SRP19: variants seen among roughly 807,000 people sequenced by gnomAD.
The protein encoded by SRP19 is signal recognition particle 19 kDa protein.
In SRP19, 11 loss-of-function variants were observed where a neutral mutation model predicts 22.4. The ratio of observed to expected loss-of-function variants is 0.49; its 90% CI spans 0.31 to 0.81. SRP19 has a LOEUF of 0.81. SRP19 is among the 40% of genes least tolerant of loss of function. The pLI, the probability that SRP19 is intolerant of heterozygous loss-of-function variation, is 0.05. For synonymous variants in SRP19, 61 were observed against 57.6 expected, an observed-to-expected ratio of 1.06 and a Z score of -0.27; for missense variants, 168 against 175.9, an observed-to-expected ratio of 0.96 and a Z score of 0.25.
Position 112,861,328 on chromosome 5 carries a change from C to T in SRP19, c.-49C>T, listed in dbSNP as rs764571468. The T allele has an allele frequency of 1.9e-6, 3 of 1,612,070 alleles. No homozygotes were observed. The highest frequency in any genetic ancestry group is 1.7e-5 in the Admixed American group (1 of 60,028). On this transcript the variant is annotated 5_prime_UTR_variant, in exon 1 of 5. Coordinates refer to ENST00000505459, the MANE Select transcript of SRP19 (RefSeq NM_003135.3). ...TCAGAGCCGGGTTCCTCCCGGGTTT[C>T]TGCCGGGTTTCTCCCTGCGGCTCCT...
intron 4 of SRP19, chr5:112,877,856 C>G (rs962786072): frequency 3.3e-5 from 5 of 152,120 alleles, no homozygotes; most frequent in Non-Finnish European, 5.9e-5. Context: ...CATGTTTCTC[C>G]GCTTTGAAGA....
chr5:112,871,630 C>T (rs535158728), downstream of SRP19, among the ~76,000 whole-genome samples: 6 of 151,852 alleles, frequency 4.0e-5, no homozygotes, highest in South Asian at 6.2e-4. Flanking sequence ...TGGTGGTGGG[C>T]GCCTGTAATC....
downstream of SRP19, among the ~76,000 whole-genome samples, chr5:112,870,610 G>A: frequency 6.6e-6 from 1 of 152,150 alleles, no homozygotes; most frequent in Non-Finnish European, 1.5e-5. Flanking sequence ...CAAAATGCAT[G>A]TTGAAATTTA....
intron 4 of SRP19, chr5:112,865,227 G>A (rs921019971): frequency 6.6e-5 from 10 of 152,260 alleles, no homozygotes; most frequent in African/African-American, 2.4e-4. Flanking sequence ...ATGTAATGTT[G>A]CTTATTGGCA....
intron 4 of SRP19, among the ~76,000 whole-genome samples, chr5:112,888,424 T>C (rs1231495804): frequency 6.6e-6 from 1 of 152,200 alleles, no homozygotes; most frequent in Admixed American, 6.5e-5. Flanking sequence ...TTCTCAACAA[T>C]ATCTCCAGAT....
At chr5:112,884,437 G>C (rs899408402) in intron 4 of SRP19, among the ~76,000 whole-genome samples, 1 of 150,876 alleles carries the variant, frequency 6.6e-6, no homozygotes, top group African/African-American at 2.4e-5. Flanking sequence ...ACCCAGGCTA[G>C]AGTGGCACAG....
At chr5:112,880,997 C>T (rs1768057259) in intron 4 of SRP19, among the ~76,000 whole-genome samples, 1 of 151,946 alleles carries the variant, frequency 6.6e-6, no homozygotes, top group Admixed American at 6.6e-5. Flanking sequence ...GGCGTGGTGG[C>T]CCACACCTGT....
At position 112,867,652 on chromosome 5, in the gene SRP19, AC is replaced by A; in HGVS notation, c.*118del. On this transcript the variant is annotated 3_prime_UTR_variant, in exon 5 of 5. Coordinates refer to ENST00000505459, the MANE Select transcript of SRP19 (RefSeq NM_003135.3). ...TTTGCATCATTTAACTGAACTGTGA[AC>A]CCTTGTGCCTCTCATCTTTATCATC... is the stretch of plus-strand genomic sequence containing the variant. The A allele has an allele frequency of 7.2e-7, 1 of 1,381,960 alleles. No homozygotes were observed. The highest frequency in any genetic ancestry group is 9.4e-7 in the Non-Finnish European group (1 of 1,063,060). The allele number at this position is 1,381,960 out of a possible 1,614,324, so 85.6% of individuals were successfully genotyped here. A position where few individuals can be genotyped will look rare whatever the true frequency, so the allele number is the denominator to read the frequency against.
At position 112,883,039 on chromosome 5, in the gene SRP19, C is replaced by T. The variant is rs368476015; in HGVS notation, c.302-8564C>T. Among the ~76,000 whole-genome samples the T allele has an allele frequency of 2.8e-4, 43 of 152,352 alleles. No individual in the cohort carries two copies. The Middle Eastern group carries it at 0.01, about 36-fold the overall frequency. On this transcript the variant is annotated intron_variant, in intron 4 of 4. Coordinates refer to the SRP19 transcript ENST00000391338. ...TCACTGGTCAAGGACAGAGCTCCAA[C>T]AATTCACCCTCTCACTCCTATCATC...
At chr5:112,894,097 GTTGGTTTTGTTTTT>G (rs1768597066), downstream of SRP19, 1 of 150,070 alleles carries the variant, frequency 6.7e-6, no homozygotes, top group African/African-American at 2.5e-5. Flanking sequence ...AAGCCTTTTG[GTTGGTTTTGTTTTT>G]TTGGTTTTTT....
downstream of SRP19, among the ~76,000 whole-genome samples, chr5:112,871,243 ATTTTTTTTTTTT>A (rs10592964): frequency 1.7e-4 from 16 of 93,948 alleles, no homozygotes; most frequent in Non-Finnish European, 2.0e-4. Flanking sequence ...CAATCAGTGA[ATTTTTTTTTTTT>A]TTTTTTTTTT....
At chr5:112,877,932 A>G (rs573778331) in intron 4 of SRP19, 1 of 152,224 alleles carries the variant, frequency 6.6e-6, no homozygotes, top group South Asian at 2.1e-4. Context: ...TTTATAGCAG[A>G]TAAGACAGTA....
intron 4 of SRP19, among the ~76,000 whole-genome samples, chr5:112,882,572 C>T (rs1023587063): frequency 1.3e-5 from 2 of 152,074 alleles, no homozygotes; most frequent in South Asian, 2.1e-4. Context: ...AATTCATGAA[C>T]GCAAATCTCA....
chr5:112,874,023 G>T (rs1392033854), downstream of SRP19, among the ~76,000 whole-genome samples: 1 of 151,964 alleles, frequency 6.6e-6, no homozygotes, highest in African/African-American at 2.4e-5. Flanking sequence ...AAAATTAGAT[G>T]TGCCTGGTGG....
At chr5:112,878,771 T>C (rs1405810105) in intron 4 of SRP19, 1 of 1,613,996 alleles carries the variant, frequency 6.2e-7, no homozygotes, top group African/African-American at 1.3e-5. Flanking sequence ...GCAGGAAGTT[T>C]CCATCCAGTC....
chr5:112,890,578 A>G lies in SRP19; in HGVS notation c.302-1025A>G, dbSNP rs1180737949. Among the ~76,000 whole-genome samples the G allele has an allele frequency of 2.7e-5, 4 of 150,120 alleles. 1 individual carries two copies. The highest frequency in any genetic ancestry group is 1.0e-4 in the African/African-American group (4 of 40,112). Reference sequence around the variant, plus strand: ...CTTTTTGTAGAGATGGGGTTTCGCCATGTTGGCCGGGCTGGTCTCGAACTC... The same window carrying G: ...CTTTTTGTAGAGATGGGGTTTCGCCGTGTTGGCCGGGCTGGTCTCGAACTC... On this transcript the variant is annotated intron_variant, in intron 4 of 4. Transcript: ENST00000391338.
downstream of SRP19, among the ~76,000 whole-genome samples, chr5:112,870,168 G>C (rs1314845445): frequency 1.3e-5 from 2 of 152,166 alleles, no homozygotes; most frequent in Non-Finnish European, 2.9e-5. Flanking sequence ...TGACAGCCAA[G>C]GCAGCTAAGG....
chr5:112,866,743 A>T (rs1340863663), intron 4 of SRP19, among the ~76,000 whole-genome samples: 3 of 152,238 alleles, frequency 2.0e-5, no homozygotes, highest in Non-Finnish European at 2.9e-5. Context: ...TTTCTCCTTA[A>T]CATTTTCCTA....
chr5:112,862,098 A>G (rs993116412), intron 1 of SRP19, among the ~76,000 whole-genome samples: 21 of 152,256 alleles, frequency 1.4e-4, no homozygotes, highest in African/African-American at 4.1e-4. Flanking sequence ...GGAATTGAAC[A>G]AAACACACAA....
Sources: allele counts gnomAD v4.1 joint callset (sites outside exome capture counted in the v4.1 genomes callset), GRCh38; gene constraint gnomAD v4.1.1; transcripts MANE v1.5; gene names NCBI Gene and HGNC (gene_info 2026-07-23, HGNC 2026-07-21).